TMEM8B: variants seen among roughly 807,000 people sequenced by gnomAD.
The protein encoded by TMEM8B is nasopharyngeal carcinoma expressed 6.
A neutral mutation model predicts 49.3 loss-of-function variants in TMEM8B; 29 were observed. The observed-to-expected ratio is 0.59, with a 90% CI of 0.44 to 0.80. The LOEUF is 0.80. Ranked by LOEUF, TMEM8B falls within the 30% of genes least tolerant of loss-of-function variation. The probability of loss-of-function intolerance (pLI) is 0.00; values close to 1 mark genes in which losing one functional copy is unlikely to be tolerated. For missense variants in TMEM8B, 575 were observed against 658.5 expected (o/e 0.87, Z 1.39); for synonymous variants, 264 against 272.8 (o/e 0.97, Z 0.32).
intron 10 of TMEM8B, among the ~76,000 whole-genome samples, chr9:35,847,484 C>T (rs1223894100): frequency 2.0e-5 from 3 of 152,250 alleles, no homozygotes; most frequent in Non-Finnish European, 2.9e-5. Context: ...ACCTGCACAT[C>T]GTTAGCACGT....
chr9:35,829,887 A>C lies in TMEM8B; in HGVS notation c.440A>C (p.Lys147Thr), dbSNP rs547780640. 55 of 416,126 alleles carry C rather than the reference A, an allele frequency of 1.3e-4. No homozygotes were observed. In the East Asian group the frequency reaches 1.9e-3, roughly 14 times the overall value. The allele number at this position is 416,126 out of a possible 1,614,324, so 25.8% of individuals were successfully genotyped here. The change falls in exon 1 of 13, where the codon AAG (lysine) becomes ACG (threonine). Residue 147 changes from lysine to threonine, a missense_variant. Transcript: ENST00000643932. Reference sequence around the variant, plus strand: ...CTGCCCCTCTCCCAGCCTAGACTCAAGTCTGGGTTTCAGCTGCCGCCAGCC... The same window carrying C: ...CTGCCCCTCTCCCAGCCTAGACTCACGTCTGGGTTTCAGCTGCCGCCAGCC... ...HTLPLSQPRL[K>T]SGFQLPPALL... is the part of the protein sequence containing the mutation.
Position 35,861,115 on chromosome 9 carries a change from C to T in TMEM8B, c.*7275C>T, listed in dbSNP as rs959258095. 3.3e-5 allele frequency: 5 copies of T among 152,278 alleles called. No homozygotes were observed. Among genetic ancestry groups the T allele is most frequent in the African/African-American group, 1.2e-4 (5 of 41,470 alleles). The allele number at this position is 152,278 out of a possible 1,614,324, so 9.4% of individuals were successfully genotyped here. ...TCAGAAGATATAATCCACCTCTCCCCTCCTGCCCTTCGCTCCTGGGTTGGT... is the reference window on the plus strand; with the variant it reads ...TCAGAAGATATAATCCACCTCTCCCTTCCTGCCCTTCGCTCCTGGGTTGGT... On this transcript the variant is annotated 3_prime_UTR_variant, in exon 13 of 13. Coordinates refer to ENST00000643932, the MANE Select transcript of TMEM8B (RefSeq NM_001042590.4).
intron 3 of TMEM8B, among the ~76,000 whole-genome samples, chr9:35,840,708 A>T (rs1830892110): frequency 6.6e-6 from 1 of 152,090 alleles, no homozygotes; most frequent in South Asian, 2.1e-4. Context: ...GCCTTGAAAG[A>T]GCTTTCCACT....
At chr9:35,845,584 A>C (rs889510358) in intron 6 of TMEM8B, 3 of 985,336 alleles carry the variant, frequency 3.0e-6, no homozygotes, top group African/African-American at 3.5e-5. Flanking sequence ...GTCCAGGTGA[A>C]GATGATGGGA....
At position 35,835,223 on chromosome 9, in the gene TMEM8B, G is replaced by A; in HGVS notation, c.906+5G>A. The A allele has an allele frequency of 4.8e-6, 2 of 415,714 alleles. No individual in the cohort carries two copies. Among genetic ancestry groups the A allele is most frequent in the East Asian group, 3.6e-5 (1 of 28,078 alleles). 25.8% of individuals were successfully genotyped at this position (415,714 alleles called of 1,614,324 possible). On this transcript the variant is annotated splice_donor_5th_base_variant and intron_variant, in intron 3 of 12. Coordinates refer to ENST00000643932, the MANE Select transcript of TMEM8B (RefSeq NM_001042590.4). The stretch of plus-strand genomic sequence containing the variant: ...CACGGCCACATCTCTGTCAAGGTGG[G>A]TTGATGTTGCCCAGGCTCGGGGGTC...
In TMEM8B at chr9:35,853,924, C is replaced by A; in HGVS notation, c.*84C>A. The A allele has an allele frequency of 6.9e-7, 1 of 1,448,158 alleles. No individual in the cohort carries two copies. 89.7% of individuals were successfully genotyped at this position (1,448,158 alleles called of 1,614,324 possible). On this transcript the variant is annotated 3_prime_UTR_variant, in exon 13 of 13. Transcript: ENST00000643932. This position sits in a 1 kb window ranked among gnomAD's most constrained non-coding sequence, Gnocchi z 4.2. ...GGTGTGGAGCCCTCTTAGAAGGAGACAGGCTGTATTTCTTGAGGACATGGA... is the reference window on the plus strand; with the variant it reads ...GGTGTGGAGCCCTCTTAGAAGGAGAAAGGCTGTATTTCTTGAGGACATGGA...
rs1029780572 is a variant in TMEM8B at position 35,855,173 on chromosome 9, C to T, written c.*1333C>T. The T allele has an allele frequency of 3.3e-5, 5 of 152,212 alleles. No individual in the cohort carries two copies. The highest frequency in any genetic ancestry group is 7.3e-5 in the Non-Finnish European group (5 of 68,042). 9.4% of individuals were successfully genotyped at this position (152,212 alleles called of 1,614,324 possible). A position where few individuals can be genotyped will look rare whatever the true frequency, so the allele number is the denominator to read the frequency against. On this transcript the variant is annotated 3_prime_UTR_variant, in exon 13 of 13. Transcript: ENST00000643932. ...TTGTCTAAGGCCTTGGCTATGCAGA[C>T]ACACCTTGAAGCTGTTTCTGCTCTG...
rs558343038 is a variant in TMEM8B, at chr9:35,832,968, A to G, written c.509-1493A>G. ...GTTCCTAGGCAGTGCTCAGCTTGCA[A>G]GGTGACAGGTTTTCCTTCCTGACAG... On this transcript the variant is annotated intron_variant, in intron 1 of 12. Transcript: ENST00000643932. 9.5e-4 allele frequency among the ~76,000 whole-genome samples: 145 copies of G among 152,234 alleles called. 1 individual carries two copies. Among genetic ancestry groups the G allele is most frequent in the Non-Finnish European group, 1.4e-3 (96 of 67,994 alleles).
Position 35,842,960 on chromosome 9 carries a change from C to T in TMEM8B, c.1635+243C>T, listed in dbSNP as rs1161787756. Among the ~76,000 whole-genome samples, 1 of 152,234 alleles carries T rather than the reference C, an allele frequency of 6.6e-6. No homozygotes were observed. Among genetic ancestry groups the T allele is most frequent in the East Asian group, 1.9e-4 (1 of 5,204 alleles). On this transcript the variant is annotated intron_variant, in intron 6 of 12. Transcript: ENST00000643932. This position sits in a 1 kb window ranked among gnomAD's most constrained non-coding sequence, Gnocchi z 5.6. Reference sequence around the variant, plus strand: ...GTCTGGGGTTTCCCAGTTTTGTAGGCTCACTTCCTGCTCATTACTGGCCTT... The same window carrying T: ...GTCTGGGGTTTCCCAGTTTTGTAGGTTCACTTCCTGCTCATTACTGGCCTT...
rs1198665391 is a variant in TMEM8B, at chr9:35,829,541, C to A, written c.94C>A (p.Pro32Thr). The change falls in exon 1 of 13, where the codon CCC becomes ACC. Residue 32 changes from proline to threonine, a missense_variant. Pro to Thr is a conservative substitution (Grantham distance 38). Transcript: ENST00000643932. Reference sequence around the variant, plus strand: ...GCCCCGCTTCCCACATCGGCCCCAGCCCCTGCCTGGGTCCCCATCCAGGAC... The same window carrying A: ...GCCCCGCTTCCCACATCGGCCCCAGACCCTGCCTGGGTCCCCATCCAGGAC... ...PSPRFPHRPQPLPGSPSRTPF... is the reference protein window; with the variant it reads ...PSPRFPHRPQTLPGSPSRTPF... 4 of 398,364 alleles carry A rather than the reference C, an allele frequency of 1.0e-5. No individual in the cohort carries two copies. Among genetic ancestry groups the A allele is most frequent in the Non-Finnish European group, 1.8e-5 (4 of 226,130 alleles). The allele number at this position is 398,364 out of a possible 1,614,324, so 24.7% of individuals were successfully genotyped here. A position where few individuals can be genotyped will look rare whatever the true frequency, so the allele number is the denominator to read the frequency against.
At chr9:35,851,208 A>T (rs1452802724) in intron 10 of TMEM8B, among the ~76,000 whole-genome samples, 2 of 152,164 alleles carry the variant, frequency 1.3e-5, no homozygotes, top group Non-Finnish European at 2.9e-5. Context: ...CCTGGGCTCA[A>T]GCAATCCTCC....
chr9:35,838,658 AAAATC>A (rs913736249), intron 3 of TMEM8B, among the ~76,000 whole-genome samples: 4 of 152,162 alleles, frequency 2.6e-5, no homozygotes, highest in Non-Finnish European at 4.4e-5. Flanking sequence ...AGTATTTAGT[AAAATC>A]AAATCAAAGT....
At position 35,848,894 on chromosome 9, in the gene TMEM8B, C is replaced by T. The variant is rs1009601166; in HGVS notation, c.2175+1899C>T. 2.0e-5 allele frequency among the ~76,000 whole-genome samples: 3 copies of T among 152,160 alleles called. No homozygotes were observed. The South Asian group carries it at 6.2e-4, about 32-fold the overall frequency. On this transcript the variant is annotated intron_variant, in intron 10 of 12. Coordinates refer to ENST00000643932, the MANE Select transcript of TMEM8B (RefSeq NM_001042590.4). ...TTCACCATGTTGGCCAAGTTGGTCTCGATCTCCTGACCTCGTGAACCACCC... is the reference window on the plus strand; with the variant it reads ...TTCACCATGTTGGCCAAGTTGGTCTTGATCTCCTGACCTCGTGAACCACCC...
At chr9:35,832,224 G>A (rs1829993018) in intron 1 of TMEM8B, among the ~76,000 whole-genome samples, 2 of 151,808 alleles carry the variant, frequency 1.3e-5, no homozygotes, top group African/African-American at 4.8e-5. Context: ...TATGGGGTGG[G>A]TGATGGTCGG....
rs1187740462 is a variant in TMEM8B, at chr9:35,861,979, G to T, written c.*8139G>T. On this transcript the variant is annotated 3_prime_UTR_variant, in exon 13 of 13. Transcript: ENST00000643932. ...TTCAGGAACATATAGGGGCACTTGG[G>T]TAATCTTGGTCAGTAACTGACCTTT... 1 of 152,200 alleles carries T rather than the reference G, an allele frequency of 6.6e-6. No homozygotes were observed. The allele number at this position is 152,200 out of a possible 1,614,324, so 9.4% of individuals were successfully genotyped here. A position where few individuals can be genotyped will look rare whatever the true frequency, so the allele number is the denominator to read the frequency against.
chr9:35,840,967 T>C (rs957088921), intron 3 of TMEM8B, among the ~76,000 whole-genome samples, 167 bp from the exon 4 acceptor site: 1 of 152,090 alleles, frequency 6.6e-6, no homozygotes, highest in Non-Finnish European at 1.5e-5. Flanking sequence ...CAGAAATGAC[T>C]GCTCAGGCAG....
chr9:35,832,209 G>GTGTA (rs1829990982), intron 1 of TMEM8B, among the ~76,000 whole-genome samples: 1 of 151,398 alleles, frequency 6.6e-6, no homozygotes. Flanking sequence ...GTATGTGTAT[G>GTGTA]TGTGTATGGG....
intron 1 of TMEM8B, among the ~76,000 whole-genome samples, chr9:35,834,014 A>C (rs1296375322): frequency 6.8e-6 from 1 of 147,824 alleles, no homozygotes; most frequent in Non-Finnish European, 1.5e-5. Context: ...TCAGTGGCTT[A>C]AGACGCCATG....
Position 35,853,970 on chromosome 9 carries a change from A to T in TMEM8B, c.*130A>T. On this transcript the variant is annotated 3_prime_UTR_variant, in exon 13 of 13. Coordinates refer to ENST00000643932, the MANE Select transcript of TMEM8B (RefSeq NM_001042590.4). This position sits in a 1 kb window ranked among gnomAD's most constrained non-coding sequence, Gnocchi z 4.2. ...ATGGAGTCTTTCTCAAGGACACAAAACTCTTCCAGGGACCTGGAGCCCTTC... is the reference window on the plus strand; with the variant it reads ...ATGGAGTCTTTCTCAAGGACACAAATCTCTTCCAGGGACCTGGAGCCCTTC... 2 of 1,367,628 alleles carry T rather than the reference A, an allele frequency of 1.5e-6. No individual in the cohort carries two copies. Among genetic ancestry groups the T allele is most frequent in the Non-Finnish European group, 1.9e-6 (2 of 1,064,424 alleles). 84.7% of individuals were successfully genotyped at this position (1,367,628 alleles called of 1,614,324 possible). A position where few individuals can be genotyped will look rare whatever the true frequency, so the allele number is the denominator to read the frequency against.
Sources: allele counts gnomAD v4.1 joint callset (sites outside exome capture counted in the v4.1 genomes callset), GRCh38; gene constraint gnomAD v4.1.1; non-coding constraint Gnocchi (gnomAD v3.1); transcripts MANE v1.5; gene names NCBI Gene and HGNC (gene_info 2026-07-23, HGNC 2026-07-21).